The following DMD variants were observed in gnomAD, a reference collection of about 807,000 sequenced individuals.
DMD encodes the protein dystrophin, also known as mutant dystrophin.
In DMD, 63 loss-of-function variants were observed where a neutral mutation model predicts 330.1. The observed-to-expected ratio is 0.19, with a 90% CI of 0.16 to 0.24. DMD has a LOEUF of 0.24. Among genes scored for constraint, DMD ranks in the 10% least tolerant of loss-of-function variants. The probability of loss-of-function intolerance (pLI) is 1.00; values close to 1 mark genes in which losing one functional copy is unlikely to be tolerated. For missense variants in DMD, 3,344 were observed against 2,684.1 expected (o/e 1.25, Z -5.43); for synonymous variants, 1,223 against 959.8 (o/e 1.27, Z -5.07).
chrX:32,065,295 T>C (rs2096252558), intron 44 of DMD, among the ~76,000 whole-genome samples: 2 of 111,128 alleles, frequency 1.8e-5, no homozygotes, highest in African/African-American at 6.5e-5. Context: ...TATGTGAACA[T>C]ATATAATTGC....
chrX:31,204,902 G>A (rs2043914843), intron 66 of DMD, among the ~76,000 whole-genome samples: 1 of 112,147 alleles, frequency 8.9e-6, no homozygotes, highest in Non-Finnish European at 1.9e-5. Flanking sequence ...GATTACAGGT[G>A]TGAGCTACTG....
At chrX:33,032,905 G>A (rs1246806214) in intron 1 of DMD, among the ~76,000 whole-genome samples, 2 of 112,149 alleles carry the variant, frequency 1.8e-5, no homozygotes, top group Non-Finnish European at 3.8e-5. Flanking sequence ...CAGTGTTTAT[G>A]AAAGATCAAG....
intron 4 of DMD, among the ~76,000 whole-genome samples, chrX:32,831,649 C>T (rs1006501018): frequency 4.5e-4 from 40 of 89,766 alleles, no homozygotes; most frequent in African/African-American, 1.5e-3. Context: ...AAGATATTTA[C>T]GTGTGTGTGT....
intron 43 of DMD, among the ~76,000 whole-genome samples, chrX:32,275,176 G>A (rs1044073775): frequency 9.0e-6 from 1 of 111,691 alleles, no homozygotes; most frequent in Non-Finnish European, 1.9e-5. Context: ...TGTGTGGGAG[G>A]AGGCAAGCTC....
intron 1 of DMD, among the ~76,000 whole-genome samples, chrX:33,135,326 T>C (rs1216360459): frequency 8.9e-6 from 1 of 112,196 alleles, no homozygotes; most frequent in Admixed American, 9.5e-5. Context: ...CATTGATATA[T>C]ACCCCACTAA....
intron 44 of DMD, among the ~76,000 whole-genome samples, chrX:31,984,937 A>G (rs2095499653): frequency 1.8e-5 from 2 of 112,007 alleles, no homozygotes; most frequent in Admixed American, 9.5e-5. Context: ...TTTTGCAGTA[A>G]CAGGTCATAC....
chrX:31,320,609 G>A (rs183665519), intron 62 of DMD, among the ~76,000 whole-genome samples: 2 of 111,899 alleles, frequency 1.8e-5, no homozygotes, highest in South Asian at 3.8e-4. Context: ...AAAGTCCACC[G>A]AACCTTGTAC....
chrX:31,896,919 T>C (rs914494239), intron 47 of DMD, among the ~76,000 whole-genome samples: 15 of 111,700 alleles, frequency 1.3e-4, no homozygotes, highest in Non-Finnish European at 2.1e-4. Context: ...CTTTTTTCTT[T>C]TTTTTTTCTT....
intron 11 of DMD, among the ~76,000 whole-genome samples, chrX:32,615,162 A>G (rs1185032532): frequency 9.0e-6 from 1 of 111,656 alleles, no homozygotes. Flanking sequence ...CCCTGCTTAT[A>G]TTCTCGGTCT....
At chrX:31,755,355 C>T (rs2088974791) in intron 51 of DMD, among the ~76,000 whole-genome samples, 1 of 112,034 alleles carries the variant, frequency 8.9e-6, no homozygotes, top group South Asian at 3.7e-4. Context: ...CTAAACTATG[C>T]TTTGTTTCCA....
intron 1 of DMD, chrX:33,128,055 A>G: frequency 8.5e-7 from 1 of 1,171,017 alleles, no homozygotes; most frequent in South Asian, 1.9e-5. Context: ...ATTGACCAAA[A>G]GAGTCACCTT....
intron 16 of DMD, among the ~76,000 whole-genome samples, chrX:32,559,200 G>A (rs1364386627): frequency 9.1e-6 from 1 of 109,466 alleles, no homozygotes; most frequent in East Asian, 2.9e-4. Context: ...TGATTTGCCT[G>A]CCTTGTCCTC....
chrX:31,932,747 AATACATACATACATACGTACGTAC>A (rs1408923432), intron 45 of DMD, among the ~76,000 whole-genome samples: 1 of 111,149 alleles, frequency 9.0e-6, no homozygotes, highest in African/African-American at 3.2e-5. Context: ...CTCCATCTCA[AATACATACATACATACGTACGTAC>A]ATACATACAT....
intron 9 of DMD, among the ~76,000 whole-genome samples, chrX:32,680,746 C>T (rs900042862): frequency 4.5e-5 from 5 of 110,685 alleles, no homozygotes; most frequent in African/African-American, 1.6e-4. Context: ...TGCTGTCTCT[C>T]TCCCCCCATC....
intron 2 of DMD, among the ~76,000 whole-genome samples, chrX:32,914,822 C>T (rs55951979): frequency 8.9e-6 from 1 of 112,156 alleles, no homozygotes; most frequent in Non-Finnish European, 1.9e-5. Flanking sequence ...TAAAAACAAA[C>T]TAAAACATTT....
At chrX:32,475,722 A>T (rs1182181499) in intron 21 of DMD, among the ~76,000 whole-genome samples, 1 of 110,927 alleles carries the variant, frequency 9.0e-6, no homozygotes, top group Non-Finnish European at 1.9e-5. Flanking sequence ...TTTGTACATT[A>T]ATCTTGTATC....
chrX:31,420,977 T>C (rs1569540331), intron 60 of DMD, among the ~76,000 whole-genome samples: 1 of 112,106 alleles, frequency 8.9e-6, no homozygotes, highest in East Asian at 2.8e-4. Context: ...CCACATGAAA[T>C]CCAAGGAATC....
intron 2 of DMD, among the ~76,000 whole-genome samples, chrX:33,009,403 T>TACAC (rs1328114872): frequency 3.3e-5 from 3 of 91,353 alleles, no homozygotes; most frequent in Non-Finnish European, 6.5e-5. Flanking sequence ...TGTGTGTATA[T>TACAC]GTGTATATAC....
intron 12 of DMD, among the ~76,000 whole-genome samples, chrX:32,602,597 T>C (rs1195789817): frequency 9.0e-6 from 1 of 111,356 alleles, no homozygotes; most frequent in Non-Finnish European, 1.9e-5. Flanking sequence ...CTGTTTCCCT[T>C]ATAGTCTCTT....
Sources: gnomAD v4.1 joint callset for allele counts (sites outside exome capture counted in the v4.1 genomes callset) on GRCh38, gnomAD v4.1.1 for gene constraint, MANE v1.5 for transcripts, NCBI Gene and HGNC (gene_info 2026-07-23, HGNC 2026-07-21) for gene names.